The following ARHGAP31 variants were observed in gnomAD, a reference collection of about 807,000 sequenced individuals.
The protein encoded by ARHGAP31 is Rho GTPase activating protein 31, also known as rho GTPase-activating protein 31.
In ARHGAP31, 34 loss-of-function variants were observed where a neutral mutation model predicts 113.9. The ratio of observed to expected loss-of-function variants is 0.30; its 90% CI spans 0.23 to 0.40. ARHGAP31 has a LOEUF of 0.40. ARHGAP31 is among the 10% of genes least tolerant of loss of function. ARHGAP31 has a pLI of 1.00. For synonymous variants in ARHGAP31, 650 were observed against 684.8 expected (o/e 0.95, Z 0.79); for missense variants, 1,548 against 1,767.1 (o/e 0.88, Z 2.22).
At chr3:119,305,052 C>A (rs1231312942) in intron 1 of ARHGAP31, among the ~76,000 whole-genome samples, 1 of 152,136 alleles carries the variant, frequency 6.6e-6, no homozygotes, top group Non-Finnish European at 1.5e-5. Flanking sequence ...TCTGTTTTGT[C>A]CCCATCTTAT....
chr3:119,378,304 C>G (rs533275124), intron 3 of ARHGAP31, among the ~76,000 whole-genome samples: 3 of 152,030 alleles, frequency 2.0e-5, no homozygotes, highest in African/African-American at 4.8e-5. Flanking sequence ...TGGCCGGGCC[C>G]CTCCAGAAGG....
chr3:119,380,492 C>T (rs944112526), intron 3 of ARHGAP31, among the ~76,000 whole-genome samples: 5 of 152,124 alleles, frequency 3.3e-5, no homozygotes, highest in African/African-American at 1.2e-4. Context: ...CTCAAGCAAT[C>T]CTCCCACCTC....
rs563364255 is a variant in ARHGAP31, at chr3:119,337,524, C to T, written c.101-27792C>T. On this transcript the variant is annotated intron_variant, in intron 1 of 11. Coordinates refer to ENST00000264245, the MANE Select transcript of ARHGAP31 (RefSeq NM_020754.4). ...CTGACGGGACCCAAATGATTTGCCA[C>T]TGTGGGTGCCAGTGGCCTGCTTTTA... Among the ~76,000 whole-genome samples the T allele has an allele frequency of 3.3e-5, 5 of 152,342 alleles. No individual in the cohort carries two copies. In the South Asian group the frequency reaches 1.0e-3, roughly 32 times the overall value.
chr3:119,389,164 A>C (rs1364078824), intron 6 of ARHGAP31, among the ~76,000 whole-genome samples: 1 of 152,092 alleles, frequency 6.6e-6, no homozygotes, highest in East Asian at 1.9e-4. Context: ...CCGTTTAAAA[A>C]AAACAAAAAA....
intron 1 of ARHGAP31, among the ~76,000 whole-genome samples, chr3:119,302,933 C>T (rs1359236368): frequency 6.6e-6 from 1 of 152,238 alleles, no homozygotes; most frequent in Non-Finnish European, 1.5e-5. Flanking sequence ...TTCACACACA[C>T]GGATCTAAAC....
intron 4 of ARHGAP31, among the ~76,000 whole-genome samples, chr3:119,382,061 T>C (rs1242197143): frequency 2.7e-5 from 4 of 149,874 alleles, no homozygotes; most frequent in African/African-American, 4.9e-5. Context: ...TGACTGGTGC[T>C]CCAGGGTCCT....
At chr3:119,306,355 A>C (rs1015917334) in intron 1 of ARHGAP31, among the ~76,000 whole-genome samples, 3 of 152,078 alleles carry the variant, frequency 2.0e-5, no homozygotes, top group Non-Finnish European at 4.4e-5. Context: ...GGAATTCAAG[A>C]CCAGCCTGGC....
chr3:119,416,502 G>T lies in ARHGAP31; in HGVS notation c.*238G>T, dbSNP rs575591058. The stretch of plus-strand genomic sequence containing the variant: ...ATGTGAGCAAGTGAGAGAAGGTTAG[G>T]TAAGGGGAGAGGATGGAATGCTTGC... On this transcript the variant is annotated 3_prime_UTR_variant, in exon 12 of 12. Transcript: ENST00000264245. 2 of 565,582 alleles carry T rather than the reference G, an allele frequency of 3.5e-6. No individual in the cohort carries two copies. Among genetic ancestry groups the T allele is most frequent in the African/African-American group, 3.7e-5 (2 of 53,340 alleles). The allele number at this position is 565,582 out of a possible 1,614,324, so 35.0% of individuals were successfully genotyped here.
At chr3:119,361,247 C>T (rs896450757) in intron 1 of ARHGAP31, among the ~76,000 whole-genome samples, 1 of 152,170 alleles carries the variant, frequency 6.6e-6, no homozygotes, top group Non-Finnish European at 1.5e-5. Flanking sequence ...AAGGCAAATT[C>T]TCAACACTCC....
chr3:119,311,251 G>A (rs1181580040), intron 1 of ARHGAP31, among the ~76,000 whole-genome samples: 2 of 152,158 alleles, frequency 1.3e-5, no homozygotes, highest in Non-Finnish European at 2.9e-5. Flanking sequence ...CTGTTCCTCT[G>A]TGTATTAGGT....
Position 119,394,537 on chromosome 3 carries a change from G to A in ARHGAP31, c.1006+946G>A, listed in dbSNP as rs574781198. Among the ~76,000 whole-genome samples, 4 of 152,282 alleles carry A rather than the reference G, an allele frequency of 2.6e-5. No individual in the cohort carries two copies. In the East Asian group the frequency reaches 7.7e-4, roughly 29 times the overall value. On this transcript the variant is annotated intron_variant, in intron 8 of 11. Transcript: ENST00000264245. ...AGGAAATTTTTCATAATGATCTTTA[G>A]TGTTATAGATTGAAAGTATGATAAA... is the stretch of plus-strand genomic sequence containing the variant.
At chr3:119,373,917 T>A (rs1188155415) in intron 3 of ARHGAP31, among the ~76,000 whole-genome samples, 2 of 152,252 alleles carry the variant, frequency 1.3e-5, no homozygotes, top group African/African-American at 4.8e-5. Context: ...GACAATCAGA[T>A]GTGCACACAA....
chr3:119,361,374 C>CTTTTT lies in ARHGAP31; in HGVS notation c.101-3927_101-3923dup, dbSNP rs555396093. Among the ~76,000 whole-genome samples, 935 of 132,298 alleles carry CTTTTT rather than the reference C, an allele frequency of 7.1e-3. 9 individuals are homozygous for CTTTTT. The highest frequency in any genetic ancestry group is 0.012 in the Non-Finnish European group (715 of 62,012). The allele number at this position is 132,298 out of a possible 152,430, so 86.8% of individuals were successfully genotyped here. A position where few individuals can be genotyped will look rare whatever the true frequency, so the allele number is the denominator to read the frequency against. ...CTAGACTAGTGGTTCTTCAACATTCCTTTTTTTTTTTTTTTTTTTAAGACA... is the reference window on the plus strand; with the variant it reads ...CTAGACTAGTGGTTCTTCAACATTCCTTTTTTTTTTTTTTTTTTTTTTTTAAGACA... On this transcript the variant is annotated intron_variant, in intron 1 of 11. Transcript: ENST00000264245.
At chr3:119,325,045 T>C (rs1176804091) in intron 1 of ARHGAP31, 4 of 451,832 alleles carry the variant, frequency 8.9e-6, no homozygotes, top group African/African-American at 8.0e-5. Context: ...CATTGGTTAA[T>C]GTTTATTGAA....
rs1275795151 is a variant in ARHGAP31, at chr3:119,389,277, C to T, written c.683-1508C>T. ...GCCTGGAGCTGACAGGAGAGGTGGG[C>T]ACTAAACTTGGTCTTCTGACCCTGC... On this transcript the variant is annotated intron_variant, in intron 6 of 11. Coordinates refer to ENST00000264245, the MANE Select transcript of ARHGAP31 (RefSeq NM_020754.4). Among the ~76,000 whole-genome samples the T allele has an allele frequency of 9.9e-5, 15 of 152,274 alleles. No homozygotes were observed. In the East Asian group the frequency reaches 2.3e-3, roughly 23 times the overall value.
At chr3:119,335,864 T>C (rs4687995) in intron 1 of ARHGAP31, among the ~76,000 whole-genome samples, 61,085 of 152,056 alleles carry the variant, frequency 0.4, 14,375 homozygotes, top group African/African-American at 0.67. Context: ...AAATCTAGAT[T>C]CTGGGTTGAG....
intron 1 of ARHGAP31, among the ~76,000 whole-genome samples, chr3:119,302,624 C>T (rs1488319829): frequency 6.6e-6 from 1 of 152,146 alleles, no homozygotes. Flanking sequence ...AAGAATTGGG[C>T]ATTTTAATCC....
chr3:119,340,169 T>C (rs1310185656), intron 1 of ARHGAP31, among the ~76,000 whole-genome samples: 1 of 152,194 alleles, frequency 6.6e-6, no homozygotes, highest in Non-Finnish European at 1.5e-5. Context: ...CAAAAAGATG[T>C]TCATCATCAT....
intron 10 of ARHGAP31, among the ~76,000 whole-genome samples, chr3:119,405,438 C>T (rs1359573319): frequency 1.3e-5 from 2 of 152,190 alleles, no homozygotes; most frequent in African/African-American, 4.8e-5. Context: ...GGCTCACCCC[C>T]ACAGTCACAT....
Sources: allele counts gnomAD v4.1 joint callset (sites outside exome capture counted in the v4.1 genomes callset), GRCh38; gene constraint gnomAD v4.1.1; transcripts MANE v1.5; gene names NCBI Gene and HGNC (gene_info 2026-07-23, HGNC 2026-07-21).